The following CTSB variants were observed in gnomAD, a reference collection of about 807,000 sequenced individuals.
CTSB encodes the protein cathepsin B.
CTSB carries 57 observed loss-of-function variants against 44.3 expected under a neutral mutation model. That is an observed-to-expected ratio of 1.29 (90% CI 1.04 to 1.60). The LOEUF (loss-of-function observed/expected upper bound fraction) is 1.60, where lower values mean the gene tolerates loss of function less well. CTSB is among the 40% of genes most tolerant of loss of function. The pLI is 0.00. For missense variants in CTSB, 768 were observed against 443.0 expected (o/e 1.73, Z -6.59); for synonymous variants, 320 against 168.0 (o/e 1.91, Z -7.00).
chr8:11,857,460 A>G (rs1815694295), intron 1 of CTSB, among the ~76,000 whole-genome samples: 1 of 152,148 alleles, frequency 6.6e-6, no homozygotes, highest in Non-Finnish European at 1.5e-5. Context: ...GTGTCCTTGG[A>G]TGTACCCGGG....
At chr8:11,849,615 T>C (rs1171567921) in intron 4 of CTSB, 1 of 154,116 alleles carries the variant, frequency 6.5e-6, no homozygotes, top group Non-Finnish European at 1.4e-5. Flanking sequence ...AGTTTCACTT[T>C]TGTTGCCCAG....
intron 1 of CTSB, among the ~76,000 whole-genome samples, chr8:11,856,202 AACC>A (rs1159046290): frequency 1.4e-5 from 2 of 145,020 alleles, no homozygotes; most frequent in Non-Finnish European, 3.1e-5. Flanking sequence ...GGGTGGGCAC[AACC>A]ACCGAGACAT....
chr8:11,864,972 T>C (rs1433388367), intron 1 of CTSB, among the ~76,000 whole-genome samples: 1 of 151,996 alleles, frequency 6.6e-6, no homozygotes, highest in African/African-American at 2.4e-5. Context: ...CTAAACCTCC[T>C]ACCCCACACA....
intron 1 of CTSB, chr8:11,855,017 A>G (rs1815280334): frequency 6.6e-6 from 1 of 152,258 alleles, no homozygotes; most frequent in South Asian, 2.1e-4. Context: ...TACCACATGC[A>G]ACACAGAATT....
At chr8:11,859,985 T>C (rs1476216863) in intron 1 of CTSB, among the ~76,000 whole-genome samples, 3 of 149,964 alleles carry the variant, frequency 2.0e-5, no homozygotes, top group Non-Finnish European at 4.4e-5. Context: ...GGCAGGAAAA[T>C]TGCTTGAACC....
At chr8:11,862,114 G>C (rs1230077670) in intron 1 of CTSB, among the ~76,000 whole-genome samples, 1 of 152,082 alleles carries the variant, frequency 6.6e-6, no homozygotes, top group Admixed American at 6.6e-5. Context: ...GGCTGAGGCA[G>C]GAGAATGGCG....
At position 11,848,125 on chromosome 8, in the gene CTSB, A is replaced by C. The variant is rs769329288; in HGVS notation, c.474T>G (p.Ala158=). ...GGCCTTTTCTTGTCCAGAAGTTCCAAGCTTCAGCAGGATAGCCACCATTAC... is the reference window on the plus strand; with the variant it reads ...GGCCTTTTCTTGTCCAGAAGTTCCACGCTTCAGCAGGATAGCCACCATTAC... ...DGCNGGYPAE[A]WNFWTRKGLV... The change falls in exon 6 of 10, where the codon GCT becomes GCG. Residue 158 remains alanine, a synonymous_variant. Coordinates refer to ENST00000353047, the MANE Select transcript of CTSB (RefSeq NM_001908.5). 6.2e-7 allele frequency: 1 copy of C among 1,614,210 alleles called. No individual in the cohort carries two copies. The highest frequency in any genetic ancestry group is 8.5e-7 in the Non-Finnish European group (1 of 1,180,008).
In CTSB at chr8:11,845,761, C is replaced by G. The variant is rs753060732; in HGVS notation, c.822G>C (p.Met274Ile). Residue 274 changes from methionine to isoleucine, a missense_variant, in exon 9 of 10, where the codon ATG becomes ATC. Met to Ile is a conservative substitution (Grantham distance 10, BLOSUM62 1). Coordinates refer to ENST00000353047, the MANE Select transcript of CTSB (RefSeq NM_001908.5). ...GGATGCGGATGGCATGGCCACCCAT[C>G]ATCTCTCCGGTGACGTGTTGGTACA... ...SGVYQHVTGE[M>I]MGGHAIRILG... is the part of the protein sequence containing the mutation. 7 of 1,613,970 alleles carry G rather than the reference C, an allele frequency of 4.3e-6. No homozygotes were observed. The highest frequency in any genetic ancestry group is 5.9e-6 in the Non-Finnish European group (7 of 1,179,960).
In CTSB at chr8:11,843,135, G is replaced by A. The variant is rs1812563910; in HGVS notation, c.*1990C>T. On this transcript the variant is annotated 3_prime_UTR_variant, in exon 10 of 10. Transcript: ENST00000353047. The stretch of plus-strand genomic sequence containing the variant: ...AGCTAATTTTTGTATTTTTAGTAGA[G>A]GTGAGGTTTCAGCATGTTGGCCAGG... 6.6e-6 allele frequency: 1 copy of A among 152,018 alleles called. No individual in the cohort carries two copies. The allele number at this position is 152,018 out of a possible 1,614,324, so 9.4% of individuals were successfully genotyped here.
chr8:11,847,894 C>T (rs879916730), intron 6 of CTSB, 72 bp from the exon 7 acceptor site: 25 of 1,514,120 alleles, frequency 1.7e-5, no homozygotes, highest in East Asian at 4.5e-5. Context: ...AGGCAAGCCT[C>T]GTGCCTGCAG....
rs1057060843 is a variant in CTSB at position 11,851,415 on chromosome 8, C to G, written c.213-435G>C. Among the ~76,000 whole-genome samples the G allele has an allele frequency of 4.6e-5, 7 of 152,170 alleles. No individual in the cohort carries two copies. In the South Asian group the frequency reaches 1.4e-3, roughly 32 times the overall value. On this transcript the variant is annotated intron_variant, in intron 3 of 9. Coordinates refer to ENST00000353047, the MANE Select transcript of CTSB (RefSeq NM_001908.5). ...ATGTTGGCCAGGCTGGTCTTAAACT[C>G]CTGGCTTCAAATGATCTGCCTGCCT...
chr8:11,847,246 AT>A, intron 7 of CTSB, 78 bp from the exon 8 acceptor site: 1 of 911,674 alleles, frequency 1.1e-6, no homozygotes, highest in Non-Finnish European at 1.8e-6. Context: ...CCAGTCACTG[AT>A]TTCTGGTGGC....
At chr8:11,867,242 A>C (rs962090524) in intron 1 of CTSB, 1 of 152,088 alleles carries the variant, frequency 6.6e-6, no homozygotes, top group Non-Finnish European at 1.5e-5. Context: ...CCCGGCCTCC[A>C]GGGCTACTAA....
chr8:11,856,092 A>G (rs1815456775), intron 1 of CTSB, among the ~76,000 whole-genome samples: 1 of 152,146 alleles, frequency 6.6e-6, no homozygotes, highest in African/African-American at 2.4e-5. Flanking sequence ...TCAAGGAGGT[A>G]TTCAGCATGT....
chr8:11,862,149 G>C (rs1003338157), intron 1 of CTSB, among the ~76,000 whole-genome samples: 4 of 151,252 alleles, frequency 2.6e-5, no homozygotes, highest in African/African-American at 9.7e-5. Flanking sequence ...GGAGTTTGCA[G>C]TGAGCCGAGA....
intron 1 of CTSB, among the ~76,000 whole-genome samples, chr8:11,865,124 A>C (rs147974672): frequency 6.6e-6 from 1 of 152,170 alleles, no homozygotes; most frequent in South Asian, 2.1e-4. Flanking sequence ...ACATCTGTAC[A>C]TGCCTCCCCT....
intron 1 of CTSB, among the ~76,000 whole-genome samples, chr8:11,864,722 G>A (rs538387321): frequency 1.3e-5 from 2 of 151,882 alleles, no homozygotes; most frequent in Non-Finnish European, 2.9e-5. Context: ...TTTGGGAGGC[G>A]AGGCGGGCAG....
chr8:11,863,998 C>T (rs151034183), intron 1 of CTSB, among the ~76,000 whole-genome samples: 5 of 152,126 alleles, frequency 3.3e-5, no homozygotes, highest in African/African-American at 9.6e-5. Context: ...ATAGTGAACA[C>T]GAAATAACAT....
At chr8:11,859,628 C>A (rs1395485030) in intron 1 of CTSB, among the ~76,000 whole-genome samples, 1 of 151,784 alleles carries the variant, frequency 6.6e-6, no homozygotes, top group Non-Finnish European at 1.5e-5. Context: ...ATTAGCCAGG[C>A]ACGGTGGTGG....
Sources: allele counts gnomAD v4.1 joint callset (sites outside exome capture counted in the v4.1 genomes callset), GRCh38; gene constraint gnomAD v4.1.1; transcripts MANE v1.5; gene names NCBI Gene and HGNC (gene_info 2026-07-23, HGNC 2026-07-21).